KIAA1958: variants seen among roughly 807,000 people sequenced by gnomAD.
KIAA1958 encodes the protein KIAA1958.
In KIAA1958, 14 loss-of-function variants were observed where a neutral mutation model predicts 47.2. That is an observed-to-expected ratio of 0.30 (90% confidence interval 0.20 to 0.46). The LOEUF is 0.46. Ranked by LOEUF, KIAA1958 falls within the 20% of genes least tolerant of loss-of-function variation. KIAA1958 has a pLI of 1.00. For missense variants in KIAA1958, 803 were observed against 909.2 expected (o/e 0.88, Z 1.50); for synonymous variants, 354 against 353.3 (o/e 1.00, Z -0.02).
chr9:112,556,128 C>T (rs141700236), intron 1 of KIAA1958, among the ~76,000 whole-genome samples: 20 of 152,290 alleles, frequency 1.3e-4, no homozygotes, highest in African/African-American at 4.3e-4. Flanking sequence ...TTAGTTTCAA[C>T]GTGAATTTTG....
Position 112,668,932 on chromosome 9 carries a change from G to A in KIAA1958, c.*8863G>A, listed in dbSNP as rs1183045916. The stretch of plus-strand genomic sequence containing the variant: ...TTAAAAATTTAATATTTTCTATGGG[G>A]CTGTATTTTCCAAATAATAGCAACA... On this transcript the variant is annotated 3_prime_UTR_variant, in exon 4 of 4. Coordinates refer to ENST00000337530, the MANE Select transcript of KIAA1958 (RefSeq NM_133465.4). 2 of 152,152 alleles carry A rather than the reference G, an allele frequency of 1.3e-5. No homozygotes were observed. The highest frequency in any genetic ancestry group is 2.4e-5 in the African/African-American group (1 of 41,432). 9.4% of individuals were successfully genotyped at this position (152,152 alleles called of 1,614,324 possible).
At chr9:112,533,245 G>A (rs1564162172) in intron 1 of KIAA1958, among the ~76,000 whole-genome samples, 1 of 151,884 alleles carries the variant, frequency 6.6e-6, no homozygotes. Context: ...CTGCTGTGAA[G>A]GAGTACCTCG....
chr9:112,626,181 GT>G (rs2131224532), intron 2 of KIAA1958, among the ~76,000 whole-genome samples: 1 of 152,254 alleles, frequency 6.6e-6, no homozygotes, highest in South Asian at 2.1e-4. Context: ...GAGGCCTACA[GT>G]AAGTAGATGT....
chr9:112,618,605 G>A lies in KIAA1958; in HGVS notation c.1172-27045G>A. The A allele has an allele frequency of 6.4e-7, 1 of 1,550,664 alleles. No individual in the cohort carries two copies. The highest frequency in any genetic ancestry group is 8.7e-7 in the Non-Finnish European group (1 of 1,147,000). On this transcript the variant is annotated intron_variant, in intron 2 of 3. Coordinates refer to ENST00000337530, the MANE Select transcript of KIAA1958 (RefSeq NM_133465.4). The surrounding 1 kb of genome is among the most constrained non-coding windows in gnomAD (Gnocchi z 7.1). ...GCCTCCCGCCATGCGCTACGAGGAT[G>A]CCCCTTTCTACTTATCCATCAAGCC...
intron 1 of KIAA1958, among the ~76,000 whole-genome samples, chr9:112,542,249 T>C (rs1834957079): frequency 6.6e-6 from 1 of 152,014 alleles, no homozygotes; most frequent in Non-Finnish European, 1.5e-5. Flanking sequence ...TTAAACCAGG[T>C]TTAAAATGTC....
In KIAA1958 at chr9:112,662,791, C is replaced by G. The variant is rs1588058968; in HGVS notation, c.*2722C>G. ...TGGGCAACAAAGCTAGACTCCATCT[C>G]AAAAAAAATAAAAAATAAAATGGCG... On this transcript the variant is annotated 3_prime_UTR_variant, in exon 4 of 4. Coordinates refer to ENST00000337530, the MANE Select transcript of KIAA1958 (RefSeq NM_133465.4). 1 of 151,972 alleles carries G rather than the reference C, an allele frequency of 6.6e-6. No homozygotes were observed. The highest frequency in any genetic ancestry group is 1.9e-4 in the East Asian group (1 of 5,182). The allele number at this position is 151,972 out of a possible 1,614,324, so 9.4% of individuals were successfully genotyped here.
chr9:112,644,388 A>G (rs1836943142), intron 2 of KIAA1958, among the ~76,000 whole-genome samples: 1 of 152,146 alleles, frequency 6.6e-6, no homozygotes, highest in Admixed American at 6.5e-5. Flanking sequence ...CACCTTGGTC[A>G]TTGCATTAAT....
chr9:112,619,321 T>C (rs1045179376), intron 2 of KIAA1958: 1 of 152,258 alleles, frequency 6.6e-6, no homozygotes, highest in African/African-American at 2.4e-5. Flanking sequence ...TTTGTCTCCT[T>C]AATAAATGGC....
chr9:112,494,546 G>A (rs1782779191), intron 1 of KIAA1958, among the ~76,000 whole-genome samples: 1 of 151,418 alleles, frequency 6.6e-6, no homozygotes, highest in African/African-American at 2.4e-5. Context: ...ATGGTTTACA[G>A]CAGTGTCAAC....
intron 3 of KIAA1958, among the ~76,000 whole-genome samples, chr9:112,647,532 C>A (rs1174096359): frequency 1.3e-5 from 2 of 151,738 alleles, no homozygotes; most frequent in Non-Finnish European, 2.9e-5. Flanking sequence ...ATAAAAACAA[C>A]AAACAACAGA....
In KIAA1958 at chr9:112,574,240, C is replaced by T. The variant is rs1277421558; in HGVS notation, c.160C>T (p.His54Tyr). The part of the protein sequence containing the change: ...LTAMWGCSAG[H>Y]AYHWPLTATC... Reference sequence around the variant, plus strand: ...AGCAATGTGGGGCTGTAGTGCTGGCCATGCTTATCACTGGCCACTAACAGC... The same window carrying T: ...AGCAATGTGGGGCTGTAGTGCTGGCTATGCTTATCACTGGCCACTAACAGC... Residue 54 changes from histidine to tyrosine, a missense_variant, in exon 2 of 4, where the codon CAT (histidine) becomes TAT (tyrosine). His to Tyr is a moderately conservative substitution (Grantham distance 83). Transcript: ENST00000337530. The T allele has an allele frequency of 6.2e-7, 1 of 1,614,164 alleles. No individual in the cohort carries two copies. Among genetic ancestry groups the T allele is most frequent in the South Asian group, 1.1e-5 (1 of 91,078 alleles).
Position 112,498,934 on chromosome 9 carries a change from A to G in KIAA1958, c.-25+11816A>G, listed in dbSNP as rs535147135. Among the ~76,000 whole-genome samples, 4 of 152,044 alleles carry G rather than the reference A, an allele frequency of 2.6e-5. No homozygotes were observed. The South Asian group carries it at 8.3e-4, about 32-fold the overall frequency. On this transcript the variant is annotated intron_variant, in intron 1 of 3. Transcript: ENST00000337530. ...CCCAGCCTCTAACACACACAGTTCT[A>G]CTCTCTACTTCCATGAGCTCAAAAA...
At chr9:112,653,803 G>A (rs1398930287) in intron 3 of KIAA1958, among the ~76,000 whole-genome samples, 3 of 152,148 alleles carry the variant, frequency 2.0e-5, no homozygotes, top group Non-Finnish European at 4.4e-5. Flanking sequence ...AGGAGGTTGA[G>A]GCAAGAGAAT....
chr9:112,534,859 G>A (rs1694152327), intron 1 of KIAA1958, among the ~76,000 whole-genome samples: 1 of 152,016 alleles, frequency 6.6e-6, no homozygotes, highest in South Asian at 2.1e-4. Flanking sequence ...TTTTCTTATT[G>A]ATTTATGAAA....
At chr9:112,581,871 C>A in intron 2 of KIAA1958, 1 of 229,086 alleles carries the variant, frequency 4.4e-6, no homozygotes, top group South Asian at 7.4e-5. Flanking sequence ...CCTTGGTTTT[C>A]TTGGTCACGT....
chr9:112,619,968 G>C (rs1836472575), intron 2 of KIAA1958, among the ~76,000 whole-genome samples: 1 of 152,156 alleles, frequency 6.6e-6, no homozygotes, highest in African/African-American at 2.4e-5. Context: ...CTCTGTGATT[G>C]AGATCCAAGG....
intron 1 of KIAA1958, among the ~76,000 whole-genome samples, chr9:112,535,736 C>T (rs2132816637): frequency 6.6e-6 from 1 of 152,196 alleles, no homozygotes; most frequent in Middle Eastern, 3.4e-3. Context: ...ACCTAAACAA[C>T]ACTTGCTGTC....
intron 1 of KIAA1958, among the ~76,000 whole-genome samples, chr9:112,487,944 T>C (rs907664127): frequency 1.1e-5 from 1 of 88,630 alleles, no homozygotes; most frequent in Non-Finnish European, 2.2e-5. Context: ...TTAGTGTGTG[T>C]GCGTGTGTGT....
At position 112,659,983 on chromosome 9, in the gene KIAA1958, G is replaced by A; in HGVS notation, c.2065G>A (p.Val689Ile). The change falls in exon 4 of 4, where the codon GTC becomes ATC. Residue 689 changes from valine to isoleucine, a missense_variant. By Grantham distance (29) the Val-to-Ile change is conservative (BLOSUM62 3). This residue lies in a region of KIAA1958 where 761 missense variants were observed against 829.3 expected (regional missense o/e 0.92). Transcript: ENST00000337530. ...AATTGTCCCAAACTTAGCCAAGAAG[G>A]TCAAGCTGGAAAACTGTGAGAACTT... ...RGIVPNLAKK[V>I]KLENCENFTF... is the part of the protein sequence containing the mutation. 1.2e-6 allele frequency: 2 copies of A among 1,614,242 alleles called. No homozygotes were observed. Among genetic ancestry groups the A allele is most frequent in the South Asian group, 2.2e-5 (2 of 91,088 alleles).
Sources: allele counts gnomAD v4.1 joint callset (sites outside exome capture counted in the v4.1 genomes callset), GRCh38; gene constraint gnomAD v4.1.1; regional missense constraint gnomAD v4.1.1; non-coding constraint Gnocchi (gnomAD v3.1); transcripts MANE v1.5; gene names NCBI Gene and HGNC (gene_info 2026-07-23, HGNC 2026-07-21).